The following SH3GL1 variants were observed in gnomAD, a reference collection of about 807,000 sequenced individuals.
The protein encoded by SH3GL1 is SH3 domain containing GRB2 like 1, endophilin A2.
A neutral mutation model predicts 48.8 loss-of-function variants in SH3GL1; 21 were observed. The ratio of observed to expected loss-of-function variants is 0.43; its 90% CI spans 0.30 to 0.62. The LOEUF is 0.62. Ranked by LOEUF, SH3GL1 falls within the 20% of genes least tolerant of loss-of-function variation. The pLI is 0.11. For missense variants in SH3GL1, 454 were observed against 503.0 expected (o/e 0.90, Z 0.93); for synonymous variants, 282 against 217.5 (o/e 1.30, Z -2.61).
chr19:4,365,340 C>T, intron 4 of SH3GL1, 142 bp downstream of exon 4: 2 of 1,139,318 alleles, frequency 1.8e-6, no homozygotes, highest in Non-Finnish European at 2.6e-6. Flanking sequence ...TGTGCAGTCT[C>T]CTGCACCTCT....
At chr19:4,395,129 G>A (rs1004796710) in intron 1 of SH3GL1, among the ~76,000 whole-genome samples, 2 of 149,982 alleles carry the variant, frequency 1.3e-5, no homozygotes, top group African/African-American at 4.9e-5. Context: ...TGTAGCACTG[G>A]AAACTGTCCC....
chr19:4,374,947 T>C (rs989149959), intron 1 of SH3GL1, among the ~76,000 whole-genome samples: 7 of 152,162 alleles, frequency 4.6e-5, no homozygotes, highest in Non-Finnish European at 8.8e-5. Flanking sequence ...GGCCACACGC[T>C]GTCCCAGCAC....
At chr19:4,388,394 G>A (rs926276544) in intron 1 of SH3GL1, among the ~76,000 whole-genome samples, 16 of 152,160 alleles carry the variant, frequency 1.1e-4, no homozygotes, top group Non-Finnish European at 2.2e-4. Context: ...GACAGGGGAC[G>A]CAGGCTTAGA....
intron 1 of SH3GL1, among the ~76,000 whole-genome samples, chr19:4,373,382 G>A (rs1012856462): frequency 6.6e-6 from 1 of 152,320 alleles, no homozygotes; most frequent in East Asian, 1.9e-4. Flanking sequence ...ACTGTCCTTC[G>A]AGCCTCCAGC....
chr19:4,363,998 T>C, intron 5 of SH3GL1, 90 bp downstream of exon 5: 1 of 1,603,684 alleles, frequency 6.2e-7, no homozygotes, highest in Non-Finnish European at 8.5e-7. Flanking sequence ...CAGAGGGCAG[T>C]GCCGAGGCTG....
intron 1 of SH3GL1, among the ~76,000 whole-genome samples, chr19:4,373,065 G>A (rs938573814): frequency 1.2e-4 from 18 of 152,188 alleles, no homozygotes; most frequent in Non-Finnish European, 2.9e-5. Context: ...GTGAAAAGCA[G>A]GAGTAGTCAT....
chr19:4,369,518 C>T (rs1396025172), intron 1 of SH3GL1, among the ~76,000 whole-genome samples: 1 of 152,210 alleles, frequency 6.6e-6, no homozygotes, highest in African/African-American at 2.4e-5. Flanking sequence ...CCCCCTGCCT[C>T]TCACAGGGCA....
At chr19:4,369,965 G>A (rs970244340) in intron 1 of SH3GL1, among the ~76,000 whole-genome samples, 1 of 152,372 alleles carries the variant, frequency 6.6e-6, no homozygotes, top group South Asian at 2.1e-4. Context: ...CACGTGCAGC[G>A]CCGGCCGCAA....
chr19:4,361,512 TG>T lies in SH3GL1; in HGVS notation c.*87del. 9.3e-7 allele frequency: 1 copy of T among 1,076,430 alleles called. No individual in the cohort carries two copies. The highest frequency in any genetic ancestry group is 1.3e-6 in the Non-Finnish European group (1 of 743,646). 66.7% of individuals were successfully genotyped at this position (1,076,430 alleles called of 1,614,324 possible). A position where few individuals can be genotyped will look rare whatever the true frequency, so the allele number is the denominator to read the frequency against. ...GCGCCGGCAGGCTCAGACACCGCCCTGGCAGCAGGGGCTCCGTGGAATGCAG... is the reference window on the plus strand; with the variant it reads ...GCGCCGGCAGGCTCAGACACCGCCCTGCAGCAGGGGCTCCGTGGAATGCAG... On this transcript the variant is annotated 3_prime_UTR_variant, in exon 10 of 10. Transcript: ENST00000269886.
At position 4,362,732 on chromosome 19, in the gene SH3GL1, G is replaced by A. The variant is rs150815092; in HGVS notation, c.733C>T (p.Arg245Trp). Residue 245 changes from arginine (R) to tryptophan (W), a missense_variant, in exon 8 of 10, where the codon CGG becomes TGG. Physicochemically the swap from Arg to Trp is moderately radical, Grantham distance 101. Transcript: ENST00000269886. ...ELAEKLKRRM[R>W]EASSRPKREY... ...CGCTTAGGGCGTGAGGAAGCTTCCC[G>A]CATCCTGTGAAGGGAGAGGCGTGAG... is the stretch of plus-strand genomic sequence containing the variant. 2.5e-5 allele frequency: 40 copies of A among 1,613,764 alleles called. No individual in the cohort carries two copies. Among genetic ancestry groups the A allele is most frequent in the African/African-American group, 4.0e-5 (3 of 74,944 alleles).
Position 4,362,631 on chromosome 19 carries a change from G to A in SH3GL1, c.834C>T (p.Thr278=). ...CATTACCTGCGATCTTGGGGGCTGT[G>A]GTGCAGGGGAAGCCCCCGTTGGACT... ...PEQSNGGFPC[T]TAPKIAASSS... is the part of the protein sequence containing the mutation. The change falls in exon 8 of 10, where the codon ACC becomes ACT. Residue 278 remains threonine (T), a synonymous_variant. Transcript: ENST00000269886. 4.3e-6 allele frequency: 7 copies of A among 1,613,804 alleles called. No individual in the cohort carries two copies. Among genetic ancestry groups the A allele is most frequent in the Non-Finnish European group, 5.9e-6 (7 of 1,179,976 alleles).
chr19:4,392,558 AC>A (rs1973356763), intron 1 of SH3GL1, among the ~76,000 whole-genome samples: 3 of 114,438 alleles, frequency 2.6e-5, no homozygotes, highest in Admixed American at 7.9e-5. Context: ...ACACACACAC[AC>A]ACACACACAC....
intron 1 of SH3GL1, among the ~76,000 whole-genome samples, chr19:4,377,900 C>T (rs999967977): frequency 4.6e-5 from 7 of 152,254 alleles, no homozygotes; most frequent in African/African-American, 1.7e-4. Context: ...TCTGAAGACT[C>T]GCGTTTGGGT....
At chr19:4,362,434 G>C in intron 8 of SH3GL1, 49 bp from the exon 9 acceptor site, 2 of 1,589,448 alleles carry the variant, frequency 1.3e-6, no homozygotes, top group Non-Finnish European at 1.7e-6. Flanking sequence ...CGGTCGGGCA[G>C]GGCCCCTTCT....
Position 4,362,604 on chromosome 19 carries a change from C to T in SH3GL1, c.853+8G>A, listed in dbSNP as rs1972651858. 1 of 1,613,404 alleles carries T rather than the reference C, an allele frequency of 6.2e-7. No individual in the cohort carries two copies. Among genetic ancestry groups the T allele is most frequent in the Non-Finnish European group, 8.5e-7 (1 of 1,179,944 alleles). ...TTGCCTCCGCAAGAGGGCTCCATGC[C>T]CCATTACCTGCGATCTTGGGGGCTG... On this transcript the variant is annotated splice_region_variant and intron_variant, in intron 8 of 9. Transcript: ENST00000269886.
At chr19:4,399,741 T>C (rs1973488283) in intron 1 of SH3GL1, among the ~76,000 whole-genome samples, 2 of 152,158 alleles carry the variant, frequency 1.3e-5, no homozygotes, top group African/African-American at 4.8e-5. Context: ...TTCTGTGGCA[T>C]ATGCTATCAC....
intron 1 of SH3GL1, among the ~76,000 whole-genome samples, chr19:4,372,231 G>A (rs1243679386): frequency 6.6e-6 from 1 of 152,208 alleles, no homozygotes; most frequent in African/African-American, 2.4e-5. Context: ...GGGCAGGCAG[G>A]ACACACGGAA....
intron 1 of SH3GL1, among the ~76,000 whole-genome samples, chr19:4,382,536 C>T (rs370587059): frequency 9.5e-4 from 145 of 151,964 alleles, no homozygotes; most frequent in Middle Eastern, 3.4e-3. Context: ...GGATTACAGG[C>T]GTGAGCCACC....
In SH3GL1 at chr19:4,367,408, T is replaced by G. The variant is rs749690756; in HGVS notation, c.46-414A>C. Among the ~76,000 whole-genome samples, 1 of 150,828 alleles carries G rather than the reference T, an allele frequency of 6.6e-6. No homozygotes were observed. Among genetic ancestry groups the G allele is most frequent in the Non-Finnish European group, 1.5e-5 (1 of 67,794 alleles). ...GTGGGGATCTGCCCCCATCCTTGAGTATGTGGGGTCTACTTAAAAAAAAAA... is the reference window on the plus strand; with the variant it reads ...GTGGGGATCTGCCCCCATCCTTGAGGATGTGGGGTCTACTTAAAAAAAAAA... On this transcript the variant is annotated intron_variant, in intron 1 of 9. Coordinates refer to ENST00000269886, the MANE Select transcript of SH3GL1 (RefSeq NM_003025.4). This position sits in a 1 kb window ranked among gnomAD's most constrained non-coding sequence, Gnocchi z 4.2.
Sources: gnomAD v4.1 joint callset for allele counts (sites outside exome capture counted in the v4.1 genomes callset) on GRCh38, gnomAD v4.1.1 for gene constraint, Gnocchi (gnomAD v3.1) non-coding constraint, MANE v1.5 for transcripts, NCBI Gene and HGNC (gene_info 2026-07-23, HGNC 2026-07-21) for gene names.